The following KCNH1 variants were observed in gnomAD, a reference collection of about 807,000 sequenced individuals.
The protein encoded by KCNH1 is potassium voltage-gated channel subfamily H member 1.
In KCNH1, 27 loss-of-function variants were observed where a neutral mutation model predicts 69.2. The observed-to-expected ratio is 0.39, with a 90% CI of 0.29 to 0.54. The LOEUF (loss-of-function observed/expected upper bound fraction) is 0.54, where lower values mean the gene tolerates loss of function less well. Ranked by LOEUF, KCNH1 falls within the 20% of genes least tolerant of loss-of-function variation. KCNH1 has a pLI of 0.68. For synonymous variants in KCNH1, 456 were observed against 487.7 expected (o/e 0.93, Z 0.86); for missense variants, 798 against 1,261.6 (o/e 0.63, Z 5.57).
intron 8 of KCNH1, among the ~76,000 whole-genome samples, chr1:210,801,180 A>T (rs1312940851): frequency 6.6e-6 from 1 of 152,202 alleles, no homozygotes; most frequent in African/African-American, 2.4e-5. Context: ...TCATGTTTCC[A>T]TGAGCTACAG....
rs148624139 is a variant in KCNH1 at position 211,077,309 on chromosome 1, A to G, written c.558+5471T>C. 4.0e-3 allele frequency among the ~76,000 whole-genome samples: 612 copies of G among 152,250 alleles called. 5 individuals are homozygous for G. The highest frequency in any genetic ancestry group is 0.013 in the African/African-American group (529 of 41,550). ...CGACCCCAAGATACATGATTGTCAG[A>G]TTCACCAAGGTTGAAATGAAGGAAA... On this transcript the variant is annotated intron_variant, in intron 5 of 10. Coordinates refer to ENST00000271751, the MANE Select transcript of KCNH1 (RefSeq NM_172362.3).
At chr1:210,865,205 C>T (rs1255630877) in intron 7 of KCNH1, among the ~76,000 whole-genome samples, 2 of 152,160 alleles carry the variant, frequency 1.3e-5, no homozygotes, top group African/African-American at 4.8e-5. Context: ...AACATATGCC[C>T]CCATAGTCTC....
At chr1:210,950,668 T>C (rs1200727635) in intron 6 of KCNH1, among the ~76,000 whole-genome samples, 1 of 152,148 alleles carries the variant, frequency 6.6e-6, no homozygotes, top group Non-Finnish European at 1.5e-5. Context: ...TTTAGATTTC[T>C]TAAAGACAGG....
At chr1:210,937,805 TACA>T (rs1258776375) in intron 6 of KCNH1, among the ~76,000 whole-genome samples, 1 of 152,228 alleles carries the variant, frequency 6.6e-6, no homozygotes, top group Non-Finnish European at 1.5e-5. Flanking sequence ...CGCTGACTAC[TACA>T]ACAATTTAGA....
At chr1:210,980,085 T>C (rs1044391513) in intron 6 of KCNH1, among the ~76,000 whole-genome samples, 1 of 152,224 alleles carries the variant, frequency 6.6e-6, no homozygotes, top group African/African-American at 2.4e-5. Context: ...TGCTTTTTCC[T>C]TCTATGTTCA....
At chr1:210,691,249 C>T (rs534240477) in intron 10 of KCNH1, among the ~76,000 whole-genome samples, 236 of 152,246 alleles carry the variant, frequency 1.6e-3, no homozygotes, top group Non-Finnish European at 2.2e-3. Flanking sequence ...GAACAGCCCA[C>T]GCCAAGACAC....
intron 6 of KCNH1, among the ~76,000 whole-genome samples, chr1:210,932,510 C>T (rs1687696240): frequency 6.7e-6 from 1 of 150,186 alleles, no homozygotes; most frequent in Non-Finnish European, 1.5e-5. Context: ...ACTGACCTAT[C>T]AATAATAACC....
chr1:210,916,979 C>G (rs988129995), intron 7 of KCNH1, among the ~76,000 whole-genome samples: 1 of 151,930 alleles, frequency 6.6e-6, no homozygotes, highest in African/African-American at 2.4e-5. Context: ...GAAACCCCAT[C>G]TCCACTAAAA....
At chr1:210,979,924 T>C (rs1688679846) in intron 6 of KCNH1, among the ~76,000 whole-genome samples, 1 of 152,192 alleles carries the variant, frequency 6.6e-6, no homozygotes, top group Non-Finnish European at 1.5e-5. Context: ...ATATATGCAG[T>C]TTTATTGTAT....
At chr1:210,825,725 T>C (rs897605749) in intron 7 of KCNH1, among the ~76,000 whole-genome samples, 5 of 152,250 alleles carry the variant, frequency 3.3e-5, no homozygotes, top group African/African-American at 1.2e-4. Flanking sequence ...AAATTTCTGG[T>C]ATTAGTAAAT....
intron 8 of KCNH1, among the ~76,000 whole-genome samples, chr1:210,801,617 G>T (rs866249593): frequency 6.6e-6 from 1 of 152,214 alleles, no homozygotes; most frequent in Admixed American, 6.5e-5. Flanking sequence ...CACCCAGCCA[G>T]CCCTACAGTG....
chr1:210,991,667 G>T (rs1049451340), intron 6 of KCNH1, among the ~76,000 whole-genome samples: 1 of 150,654 alleles, frequency 6.6e-6, no homozygotes, highest in Non-Finnish European at 1.5e-5. Context: ...AGAAAAAAAA[G>T]GTGTTACATA....
chr1:210,788,685 C>CTTTCTTT (rs1684152196), intron 9 of KCNH1, among the ~76,000 whole-genome samples: 1 of 80,714 alleles, frequency 1.2e-5, no homozygotes, highest in African/African-American at 5.0e-5. Flanking sequence ...TAGCTTCTTT[C>CTTTCTTT]TTTTTTTTTT....
rs373154319 is a variant in KCNH1, at chr1:210,873,150, C to T, written c.1462+46490G>A. On this transcript the variant is annotated intron_variant, in intron 7 of 10. Transcript: ENST00000271751. ...GTGGTAGATTAAATTACAGGTATTA[C>T]TTCTTGCTTCCCCTAAGCAACATTA... 6.8e-4 allele frequency among the ~76,000 whole-genome samples: 104 copies of T among 152,232 alleles called. 2 individuals are homozygous for T. In the South Asian group the frequency reaches 0.021, roughly 31 times the overall value.
intron 8 of KCNH1, among the ~76,000 whole-genome samples, chr1:210,800,728 AC>A (rs1684411363): frequency 6.6e-6 from 1 of 151,602 alleles, no homozygotes; most frequent in Non-Finnish European, 1.5e-5. Flanking sequence ...CACCCCGGCC[AC>A]CTTTCCTACT....
intron 9 of KCNH1, among the ~76,000 whole-genome samples, chr1:210,780,544 G>A (rs1683956392): frequency 6.6e-6 from 1 of 152,172 alleles, no homozygotes; most frequent in Admixed American, 6.5e-5. Context: ...ACTATAATGT[G>A]TTAGGGGCTA....
intron 5 of KCNH1, among the ~76,000 whole-genome samples, chr1:211,044,388 A>G (rs1690054663): frequency 6.6e-6 from 1 of 152,234 alleles, no homozygotes; most frequent in Non-Finnish European, 1.5e-5. Flanking sequence ...AAGCAAACGC[A>G]ATAAAAACAA....
chr1:211,089,816 T>C (rs1691021551), intron 4 of KCNH1, among the ~76,000 whole-genome samples: 1 of 152,166 alleles, frequency 6.6e-6, no homozygotes. Flanking sequence ...ACGAGGGATG[T>C]GAAAGAGGTG....
chr1:210,759,630 A>G (rs922633379), intron 10 of KCNH1, among the ~76,000 whole-genome samples: 5 of 152,176 alleles, frequency 3.3e-5, no homozygotes, highest in Admixed American at 2.6e-4. Flanking sequence ...CAACAAAAAT[A>G]AAGAAAAAAG....
Sources: gnomAD v4.1 joint callset for allele counts (sites outside exome capture counted in the v4.1 genomes callset) on GRCh38, gnomAD v4.1.1 for gene constraint, MANE v1.5 for transcripts, NCBI Gene and HGNC (gene_info 2026-07-23, HGNC 2026-07-21) for gene names.